FOSL2: variants seen among roughly 807,000 people sequenced by gnomAD.
The protein encoded by FOSL2 is FOS like 2, AP-1 transcription factor subunit.
A neutral mutation model predicts 27.7 loss-of-function variants in FOSL2; 3 were observed. The ratio of observed to expected loss-of-function variants is 0.11; its 90% confidence interval spans 0.05 to 0.28. FOSL2 has a LOEUF of 0.28. FOSL2 is among the 10% of genes least tolerant of loss of function. The pLI is 1.00. For synonymous variants in FOSL2, 179 were observed against 190.1 expected, an observed-to-expected ratio of 0.94 and a Z score of 0.48; for missense variants, 333 against 445.1, an observed-to-expected ratio of 0.75 and a Z score of 2.27.
intron 1 of FOSL2, among the ~76,000 whole-genome samples, chr2:28,398,639 AG>A (rs1408983939): frequency 6.6e-6 from 1 of 152,248 alleles, no homozygotes; most frequent in Non-Finnish European, 1.5e-5. Flanking sequence ...CCTGGCAGGC[AG>A]CCAGGTGGAG....
At chr2:28,411,177 G>C (rs571471723) in intron 3 of FOSL2, among the ~76,000 whole-genome samples, 1 of 151,868 alleles carries the variant, frequency 6.6e-6, no homozygotes, top group Non-Finnish European at 1.5e-5. Flanking sequence ...AGAAATTGGA[G>C]TGAAAAAAGG....
rs996895117 is a variant in FOSL2 at position 28,414,623 on chromosome 2, T to C, written c.*2175T>C. 4 of 152,224 alleles carry C rather than the reference T, an allele frequency of 2.6e-5. No individual in the cohort carries two copies. The highest frequency in any genetic ancestry group is 9.7e-5 in the African/African-American group (4 of 41,450). The allele number at this position is 152,224 out of a possible 1,614,324, so 9.4% of individuals were successfully genotyped here. On this transcript the variant is annotated 3_prime_UTR_variant, in exon 4 of 4. Transcript: ENST00000264716. ...GCCAAGTGGGAGCTATTTTCTTTTT[T>C]GTGCATATAGATATTTCTTAAATGA... is the stretch of plus-strand genomic sequence containing the variant.
At position 28,413,112 on chromosome 2, in the gene FOSL2, A is replaced by T. The variant is rs899005603; in HGVS notation, c.*664A>T. 1 of 177,572 alleles carries T rather than the reference A, an allele frequency of 5.6e-6. No individual in the cohort carries two copies. The highest frequency in any genetic ancestry group is 2.3e-5 in the African/African-American group (1 of 42,556). 11.0% of individuals were successfully genotyped at this position (177,572 alleles called of 1,614,324 possible). Reference sequence around the variant, plus strand: ...CGGGGCTCCCTGAGCTCTCAAGGAGATGCTGCCATCACTGGGAGGCTCAGA... The same window carrying T: ...CGGGGCTCCCTGAGCTCTCAAGGAGTTGCTGCCATCACTGGGAGGCTCAGA... On this transcript the variant is annotated 3_prime_UTR_variant, in exon 4 of 4. Coordinates refer to ENST00000264716, the MANE Select transcript of FOSL2 (RefSeq NM_005253.4).
chr2:28,407,684 G>A (rs546415124), intron 2 of FOSL2, among the ~76,000 whole-genome samples: 29 of 152,308 alleles, frequency 1.9e-4, no homozygotes, highest in African/African-American at 5.5e-4. Context: ...GTGTAGCACC[G>A]GGCAGTTAGT....
rs1298932638 is a variant in FOSL2, at chr2:28,392,878, G to C, written c.-843G>C. 4 of 715,392 alleles carry C rather than the reference G, an allele frequency of 5.6e-6. No homozygotes were observed. The Admixed American group carries it at 6.0e-5, about 11-fold the overall frequency. The allele number at this position is 715,392 out of a possible 1,614,324, so 44.3% of individuals were successfully genotyped here. On this transcript the variant is annotated 5_prime_UTR_variant, in exon 1 of 4. Coordinates refer to ENST00000264716, the MANE Select transcript of FOSL2 (RefSeq NM_005253.4). The stretch of plus-strand genomic sequence containing the variant: ...CCATTGTAGTGACTCATCTCGGGCA[G>C]AGCGCTAGGGCTCCGAGCGAACCAG...
In FOSL2 at chr2:28,413,897, C is replaced by G. The variant is rs1040288132; in HGVS notation, c.*1449C>G. ...AATTGGAGATAGGATGTTTTGCTTC[C>G]CACTGCAGGAGAGCTGCCCCCTTTC... is the stretch of plus-strand genomic sequence containing the variant. On this transcript the variant is annotated 3_prime_UTR_variant, in exon 4 of 4. Transcript: ENST00000264716. 2.5e-6 allele frequency: 1 copy of G among 398,512 alleles called. No homozygotes were observed. The allele number at this position is 398,512 out of a possible 1,614,324, so 24.7% of individuals were successfully genotyped here.
In FOSL2 at chr2:28,412,160, C is replaced by G; in HGVS notation, c.693C>G (p.Pro231=). The G allele has an allele frequency of 6.2e-7, 1 of 1,608,148 alleles. No individual in the cohort carries two copies. Among genetic ancestry groups the G allele is most frequent in the Non-Finnish European group, 8.5e-7 (1 of 1,176,546 alleles). Residue 231 remains proline (P), a synonymous_variant, in exon 4 of 4, where the codon CCC becomes CCG. Coordinates refer to ENST00000264716, the MANE Select transcript of FOSL2 (RefSeq NM_005253.4). The surrounding 1 kb of genome is among the most constrained non-coding windows in gnomAD (Gnocchi z 7.1). ...VKQEPLEEDS[P]SSSSAGLDKA... ...AGGAGCCCCTGGAAGAGGACAGCCC[C>G]TCGTCCTCGTCGGCGGGGCTGGACA...
At chr2:28,396,815 C>CACACACACACACACACACACACACACAA (rs1663852884) in intron 1 of FOSL2, 5 of 151,628 alleles carry the variant, frequency 3.3e-5, no homozygotes, top group African/African-American at 1.2e-4. Flanking sequence ...CACACACACA[C>CACACACACACACACACACACACACACAA]ACACACACAC....
intron 2 of FOSL2, among the ~76,000 whole-genome samples, chr2:28,406,742 A>T (rs1016950293): frequency 2.6e-5 from 4 of 152,194 alleles, no homozygotes; most frequent in African/African-American, 9.7e-5. Context: ...GGCAGCCTAG[A>T]ACTTTGGCTG....
In FOSL2 at chr2:28,408,973, T is replaced by A; in HGVS notation, c.462+107T>A. 3.0e-6 allele frequency: 2 copies of A among 659,484 alleles called. No individual in the cohort carries two copies. The highest frequency in any genetic ancestry group is 5.1e-6 in the Non-Finnish European group (2 of 391,036). 40.9% of individuals were successfully genotyped at this position (659,484 alleles called of 1,614,324 possible). A position where few individuals can be genotyped will look rare whatever the true frequency, so the allele number is the denominator to read the frequency against. Reference sequence around the variant, plus strand: ...GCTGTCTCCTTACCCACAAATGCCCTACAGATGAGTCAGTGGAGATAGAGC... The same window carrying A: ...GCTGTCTCCTTACCCACAAATGCCCAACAGATGAGTCAGTGGAGATAGAGC... On this transcript the variant is annotated intron_variant, in intron 3 of 3. Transcript: ENST00000264716. The surrounding 1 kb of genome is among the most constrained non-coding windows in gnomAD (Gnocchi z 4.1).
At chr2:28,394,367 C>T (rs970227781) in intron 1 of FOSL2, among the ~76,000 whole-genome samples, 1 of 152,150 alleles carries the variant, frequency 6.6e-6, no homozygotes, top group African/African-American at 2.4e-5. Flanking sequence ...CGAGGGCTGC[C>T]GCTCTGGGAA....
In FOSL2 at chr2:28,408,235, G is replaced by A. The variant is rs1254668743; in HGVS notation, c.355-524G>A. Among the ~76,000 whole-genome samples the A allele has an allele frequency of 6.6e-6, 1 of 152,214 alleles. No homozygotes were observed. Among genetic ancestry groups the A allele is most frequent in the East Asian group, 1.9e-4 (1 of 5,194 alleles). On this transcript the variant is annotated intron_variant, in intron 2 of 3. Transcript: ENST00000264716. The surrounding 1 kb of genome is among the most constrained non-coding windows in gnomAD (Gnocchi z 4.1). ...TCAGCAACATAACATTCCCCCCTGG[G>A]TGGTTCTTAACCTGTGTGGGGACTC...
rs1178563836 is a variant in FOSL2 at position 28,413,917 on chromosome 2, C to G, written c.*1469C>G. 1.5e-5 allele frequency: 6 copies of G among 398,154 alleles called. No individual in the cohort carries two copies. Among genetic ancestry groups the G allele is most frequent in the Non-Finnish European group, 2.7e-5 (6 of 226,114 alleles). The allele number at this position is 398,154 out of a possible 1,614,324, so 24.7% of individuals were successfully genotyped here. A position where few individuals can be genotyped will look rare whatever the true frequency, so the allele number is the denominator to read the frequency against. ...GCTTCCCACTGCAGGAGAGCTGCCC[C>G]CTTTCACGGGGTTGGGGAAGGGTCC... On this transcript the variant is annotated 3_prime_UTR_variant, in exon 4 of 4. Coordinates refer to ENST00000264716, the MANE Select transcript of FOSL2 (RefSeq NM_005253.4).
At position 28,412,513 on chromosome 2, in the gene FOSL2, C is replaced by T; in HGVS notation, c.*65C>T. 6.5e-7 allele frequency: 1 copy of T among 1,546,816 alleles called. No homozygotes were observed. The highest frequency in any genetic ancestry group is 8.7e-7 in the Non-Finnish European group (1 of 1,147,014). On this transcript the variant is annotated 3_prime_UTR_variant, in exon 4 of 4. Transcript: ENST00000264716. The surrounding 1 kb of genome is among the most constrained non-coding windows in gnomAD (Gnocchi z 7.1). ...CTCGCTCCTCCTTCCCAGGGACCAG[C>T]ACCTTCAAGCGCTCCAGGGCCGTGA...
At chr2:28,397,710 A>G (rs1308777383) in intron 1 of FOSL2, among the ~76,000 whole-genome samples, 2 of 152,132 alleles carry the variant, frequency 1.3e-5, no homozygotes, top group Non-Finnish European at 2.9e-5. Context: ...CATCCTTGTC[A>G]CTGTCATCCC....
chr2:28,398,271 T>C (rs957930621), intron 1 of FOSL2, among the ~76,000 whole-genome samples: 11 of 152,240 alleles, frequency 7.2e-5, no homozygotes, highest in African/African-American at 2.7e-4. Context: ...ATATATCTGT[T>C]CCAAACCCCA....
At chr2:28,403,342 C>G (rs1216323325) in intron 1 of FOSL2, among the ~76,000 whole-genome samples, 3 of 152,200 alleles carry the variant, frequency 2.0e-5, no homozygotes, top group African/African-American at 7.2e-5. Flanking sequence ...GAAAACTGCA[C>G]TAGCAGCACC....
In FOSL2 at chr2:28,415,369, G is replaced by T. The variant is rs908904497; in HGVS notation, c.*2921G>T. 6.6e-6 allele frequency: 1 copy of T among 152,222 alleles called. No individual in the cohort carries two copies. Among genetic ancestry groups the T allele is most frequent in the African/African-American group, 2.4e-5 (1 of 41,444 alleles). The allele number at this position is 152,222 out of a possible 1,614,324, so 9.4% of individuals were successfully genotyped here. On this transcript the variant is annotated 3_prime_UTR_variant, in exon 4 of 4. Coordinates refer to ENST00000264716, the MANE Select transcript of FOSL2 (RefSeq NM_005253.4). ...TGAGGCTTAGGAAATTGCTGGAGCC[G>T]GCTCCAAGCAGATAATTCACTGGGG...
Position 28,408,834 on chromosome 2 carries a change from C to T in FOSL2, c.430C>T (p.Arg144Ter), listed in dbSNP as rs1483276579. The T allele has an allele frequency of 6.2e-7, 1 of 1,611,092 alleles. No homozygotes were observed. Among genetic ancestry groups the T allele is most frequent in the African/African-American group, 1.3e-5 (1 of 74,862 alleles). ...GCTGGCTGCAGCCAAGTGCCGGAAC[C>T]GACGCCGGGAGCTGACAGAGAAGCT... ...NKLAAAKCRN[R>*]RRELTEKLQA... The change falls in exon 3 of 4, where the codon CGA (arginine) becomes TGA (stop). Residue 144 changes from arginine (R) to a stop codon, truncating the protein, a stop_gained. Coordinates refer to ENST00000264716, the MANE Select transcript of FOSL2 (RefSeq NM_005253.4). LOFTEE classifies it high-confidence loss of function. The surrounding 1 kb of genome is among the most constrained non-coding windows in gnomAD (Gnocchi z 4.1).
Sources: allele counts gnomAD v4.1 joint callset (sites outside exome capture counted in the v4.1 genomes callset), GRCh38; gene constraint gnomAD v4.1.1; non-coding constraint Gnocchi (gnomAD v3.1); transcripts MANE v1.5; gene names NCBI Gene and HGNC (gene_info 2026-07-23, HGNC 2026-07-21).